Variants in EHF observed in about 807,000 individuals in gnomAD.
EHF encodes the protein ETS homologous factor.
EHF carries 14 observed loss-of-function variants against 45.1 expected under a neutral mutation model. The observed-to-expected ratio is 0.31, with a 90% CI of 0.21 to 0.49. The LOEUF (loss-of-function observed/expected upper bound fraction) is 0.49. Among genes scored for constraint, EHF ranks in the 20% least tolerant of loss-of-function variants. The pLI is 0.99. For synonymous variants in EHF, 136 were observed against 131.8 expected (o/e 1.03, Z -0.22); for missense variants, 282 against 371.4 (o/e 0.76, Z 1.98).
At chr11:34,646,400 A>G in intron 2 of EHF, 39 bp from the exon 3 acceptor site, 1 of 1,611,214 alleles carries the variant, frequency 6.2e-7, no homozygotes, top group Non-Finnish European at 8.5e-7. Flanking sequence ...GGCCAGGAAC[A>G]GCCAGGGGTC....
intron 1 of EHF, among the ~76,000 whole-genome samples, chr11:34,630,822 C>T (rs932080914): frequency 6.6e-6 from 1 of 152,146 alleles, no homozygotes; most frequent in Non-Finnish European, 1.5e-5. Flanking sequence ...CCTGTCGGAA[C>T]ACCCAGTTCT....
At chr11:34,631,865 C>A (rs1411966365) in intron 1 of EHF, among the ~76,000 whole-genome samples, 1 of 152,074 alleles carries the variant, frequency 6.6e-6, no homozygotes, top group African/African-American at 2.4e-5. Context: ...TGGTTTCGAT[C>A]GTATCCCAGC....
At chr11:34,656,064 AC>A (rs1855638867) in intron 6 of EHF, among the ~76,000 whole-genome samples, 1 of 151,980 alleles carries the variant, frequency 6.6e-6, no homozygotes, top group South Asian at 2.1e-4. Context: ...ACACACACAC[AC>A]ACACACACAC....
At chr11:34,637,576 A>C in intron 1 of EHF, among the ~76,000 whole-genome samples, 1 of 152,224 alleles carries the variant, frequency 6.6e-6, no homozygotes, top group East Asian at 1.9e-4. Context: ...AGGGGAGCTT[A>C]TGGCACATTG....
At chr11:34,623,025 C>T (rs774453221) in intron 1 of EHF, among the ~76,000 whole-genome samples, 6 of 152,122 alleles carry the variant, frequency 3.9e-5, no homozygotes, top group Non-Finnish European at 7.4e-5. Context: ...TATGAAAAGG[C>T]TCAAATTCAA....
chr11:34,636,981 A>G lies in EHF; in HGVS notation c.-3-5647A>G, dbSNP rs375114565. 5.0e-5 allele frequency among the ~76,000 whole-genome samples: 7 copies of G among 141,274 alleles called. No individual in the cohort carries two copies. In the East Asian group the frequency reaches 1.1e-3, roughly 23 times the overall value. The allele number at this position is 141,274 out of a possible 152,430, so 92.7% of individuals were successfully genotyped here. On this transcript the variant is annotated intron_variant, in intron 1 of 8. Transcript: ENST00000257831. ...GAGGTGGAGGTTGTGGTGAGCCGAG[A>G]TTGCGCCATTGCACTCCATTCTGGG...
intron 4 of EHF, among the ~76,000 whole-genome samples, chr11:34,649,572 A>G (rs1854935616): frequency 6.6e-6 from 1 of 152,194 alleles, no homozygotes; most frequent in Admixed American, 6.5e-5. Flanking sequence ...AGAGATGTAC[A>G]AAGGTACCTG....
intron 1 of EHF, among the ~76,000 whole-genome samples, chr11:34,630,055 C>CTTCCATA (rs778367457): frequency 7.9e-5 from 12 of 152,094 alleles, no homozygotes; most frequent in Non-Finnish European, 1.5e-4. Flanking sequence ...TGAAAGGGAG[C>CTTCCATA]TTCCATATTA....
intron 1 of EHF, among the ~76,000 whole-genome samples, chr11:34,629,890 T>C (rs1319893847): frequency 6.6e-6 from 1 of 152,198 alleles, no homozygotes; most frequent in Non-Finnish European, 1.5e-5. Flanking sequence ...TTACTGCTCT[T>C]TTATCATGGT....
rs551385898 is a variant in EHF, at chr11:34,630,055, C to T, written c.-4+8827C>T. ...CAGACTGATTTGCACTGAAAGGGAG[C>T]TTCCATATTAGGGTACAAGGATGAT... is the stretch of plus-strand genomic sequence containing the variant. On this transcript the variant is annotated intron_variant, in intron 1 of 8. Coordinates refer to ENST00000257831, the MANE Select transcript of EHF (RefSeq NM_012153.6). Among the ~76,000 whole-genome samples the T allele has an allele frequency of 3.9e-5, 6 of 152,212 alleles. No individual in the cohort carries two copies. In the South Asian group the frequency reaches 1.2e-3, roughly 32 times the overall value.
intron 4 of EHF, among the ~76,000 whole-genome samples, chr11:34,650,616 T>G (rs1190300271): frequency 6.6e-6 from 1 of 151,972 alleles, no homozygotes; most frequent in Admixed American, 6.5e-5. Context: ...AGGTCTGCGG[T>G]GAGGAGAAAG....
At chr11:34,649,739 A>G (rs1392588303) in intron 4 of EHF, among the ~76,000 whole-genome samples, 2 of 152,168 alleles carry the variant, frequency 1.3e-5, no homozygotes, top group Non-Finnish European at 2.9e-5. Context: ...TCCATGAGCC[A>G]TCATAAAACT....
chr11:34,627,338 T>C (rs1157730640), intron 1 of EHF, among the ~76,000 whole-genome samples: 1 of 152,142 alleles, frequency 6.6e-6, no homozygotes, highest in Non-Finnish European at 1.5e-5. Context: ...TGATTGGGTA[T>C]GCAGCACATT....
At chr11:34,633,218 T>C (rs1252323491) in intron 1 of EHF, among the ~76,000 whole-genome samples, 2 of 152,218 alleles carry the variant, frequency 1.3e-5, no homozygotes, top group Non-Finnish European at 2.9e-5. Flanking sequence ...TTGGTATTAA[T>C]AGAACTAAGC....
intron 3 of EHF, among the ~76,000 whole-genome samples, chr11:34,648,019 C>T (rs1464611753): frequency 6.6e-6 from 1 of 152,178 alleles, no homozygotes; most frequent in Non-Finnish European, 1.5e-5. Context: ...CCATCTTAGA[C>T]CTTCTGTCTC....
In EHF at chr11:34,662,501, A is replaced by C. The variant is rs547869944; in HGVS notation, c.*3570A>C. On this transcript the variant is annotated 3_prime_UTR_variant, in exon 9 of 9. Transcript: ENST00000257831. ...CTGTTTTAACCAATGAAGATTATGA[A>C]TATGTTAATATGATGTAAATTGCTA... Among the ~76,000 whole-genome samples the C allele has an allele frequency of 6.6e-6, 1 of 152,210 alleles. No individual in the cohort carries two copies. The highest frequency in any genetic ancestry group is 2.4e-5 in the African/African-American group (1 of 41,544).
In EHF at chr11:34,658,741, A is replaced by G; in HGVS notation, c.803+13A>G. On this transcript the variant is annotated intron_variant, in intron 8 of 8. Transcript: ENST00000257831. Reference sequence around the variant, plus strand: ...GCCGAGCTATGAGGTGAGGAGTTTCATGTCTCTGAAAACAAAAAGGCTGTA... The same window carrying G: ...GCCGAGCTATGAGGTGAGGAGTTTCGTGTCTCTGAAAACAAAAAGGCTGTA... The G allele has an allele frequency of 6.2e-7, 1 of 1,610,246 alleles. No homozygotes were observed. The highest frequency in any genetic ancestry group is 1.1e-5 in the South Asian group (1 of 90,426).
intron 1 of EHF, among the ~76,000 whole-genome samples, chr11:34,633,271 C>T (rs970337134): frequency 1.3e-5 from 2 of 152,186 alleles, no homozygotes; most frequent in Non-Finnish European, 2.9e-5. Context: ...AGGTTATCTG[C>T]AGATGGATTA....
At chr11:34,638,729 C>T (rs1175868999) in intron 1 of EHF, among the ~76,000 whole-genome samples, 1 of 152,152 alleles carries the variant, frequency 6.6e-6, no homozygotes, top group African/African-American at 2.4e-5. Context: ...GGTTGAGAAA[C>T]TCTGCTTTTA....
Sources: allele counts gnomAD v4.1 joint callset (sites outside exome capture counted in the v4.1 genomes callset), GRCh38; gene constraint gnomAD v4.1.1; transcripts MANE v1.5; gene names NCBI Gene and HGNC (gene_info 2026-07-23, HGNC 2026-07-21).